EPB41L1: variants seen among roughly 807,000 people sequenced by gnomAD.
EPB41L1 encodes the protein band 4.1-like protein 1.
Under a neutral mutation model 97.8 loss-of-function variants are expected in EPB41L1, and 29 were observed. The ratio of observed to expected loss-of-function variants is 0.30; its 90% confidence interval spans 0.22 to 0.40. The LOEUF is 0.40. Ranked by LOEUF, EPB41L1 falls within the 10% of genes least tolerant of loss-of-function variation. The pLI is 1.00. For missense variants in EPB41L1, 812 were observed against 1,162.3 expected, an observed-to-expected ratio of 0.70 and a Z score of 4.38; for synonymous variants, 383 against 459.2, an observed-to-expected ratio of 0.83 and a Z score of 2.12.
chr20:36,225,258 A>G (rs1396535929), intron 21 of EPB41L1, among the ~76,000 whole-genome samples: 4 of 152,242 alleles, frequency 2.6e-5, no homozygotes, highest in Non-Finnish European at 5.9e-5. Context: ...AGTGATTGTC[A>G]TTCCTATCCC....
At chr20:36,143,862 C>CT (rs370144561) in intron 2 of EPB41L1, among the ~76,000 whole-genome samples, 12 of 148,192 alleles carry the variant, frequency 8.1e-5, no homozygotes, top group Admixed American at 4.0e-4. Flanking sequence ...TTTCTTTTTT[C>CT]TTTTTTTTGA....
chr20:36,181,932 C>T (rs1311710854), intron 5 of EPB41L1, among the ~76,000 whole-genome samples: 1 of 152,124 alleles, frequency 6.6e-6, no homozygotes. Flanking sequence ...TCAGTGTCTT[C>T]ATCTATAAAA....
At chr20:36,161,768 T>C (rs1361602930) in intron 1 of EPB41L1, among the ~76,000 whole-genome samples, 1 of 148,712 alleles carries the variant, frequency 6.7e-6, no homozygotes, top group Non-Finnish European at 1.5e-5. Context: ...GTCGTTATTC[T>C]TGTTTTTTTA....
intron 2 of EPB41L1, among the ~76,000 whole-genome samples, chr20:36,115,558 AG>A (rs1358594725): frequency 1.8e-4 from 28 of 152,234 alleles, no homozygotes; most frequent in African/African-American, 6.8e-4. Flanking sequence ...ACATTGTGCC[AG>A]GCTCCATGCT....
intron 1 of EPB41L1, among the ~76,000 whole-genome samples, chr20:36,163,973 A>T (rs1352726163): frequency 6.6e-6 from 1 of 152,082 alleles, no homozygotes; most frequent in African/African-American, 2.4e-5. Flanking sequence ...CCTCCCTAGT[A>T]GCTGGGACTA....
intron 5 of EPB41L1, among the ~76,000 whole-genome samples, chr20:36,179,536 G>T (rs1306677872): frequency 6.6e-6 from 1 of 152,266 alleles, no homozygotes; most frequent in African/African-American, 2.4e-5. Flanking sequence ...GGCCCAGAGA[G>T]AGAAAGCATG....
rs1451565485 is a variant in EPB41L1, at chr20:36,206,218, A to G, written c.1669-3270A>G. On this transcript the variant is annotated intron_variant, in intron 14 of 21. Coordinates refer to ENST00000338074, the MANE Select transcript of EPB41L1 (RefSeq NM_012156.2). The surrounding 1 kb of genome is among the most constrained non-coding windows in gnomAD (Gnocchi z 5.5). ...GGGCTCTGAGCTCAGGGCAGACACC[A>G]GAGAGGCAACCATCAGGAACCGCTG... 7.8e-7 allele frequency: 1 copy of G among 1,289,794 alleles called. No individual in the cohort carries two copies. Among genetic ancestry groups the G allele is most frequent in the African/African-American group, 1.5e-5 (1 of 65,880 alleles). The allele number at this position is 1,289,794 out of a possible 1,614,324, so 79.9% of individuals were successfully genotyped here.
At position 36,093,690 on chromosome 20, in the gene EPB41L1, T is replaced by TGC. The variant is rs1299854237; in HGVS notation, c.-65+2079_-65+2080insCG. ...AAGCCCGTGTGCGTGCGTGCGTGCG[T>TGC]GTGTGTGTGTGTGTATGTGTATGCG... On this transcript the variant is annotated intron_variant, in intron 1 of 19. Coordinates refer to the EPB41L1 transcript ENST00000202028. This position sits in a 1 kb window ranked among gnomAD's most constrained non-coding sequence, Gnocchi z 5.4. 3.1e-5 allele frequency among the ~76,000 whole-genome samples: 4 copies of TGC among 128,570 alleles called. No homozygotes were observed. Among genetic ancestry groups the TGC allele is most frequent in the African/African-American group, 8.0e-5 (2 of 24,912 alleles). The allele number at this position is 128,570 out of a possible 152,430, so 84.3% of individuals were successfully genotyped here. A position where few individuals can be genotyped will look rare whatever the true frequency, so the allele number is the denominator to read the frequency against.
intron 1 of EPB41L1, chr20:36,112,391 TG>T (rs1350454955): frequency 1.3e-5 from 2 of 152,270 alleles, no homozygotes; most frequent in East Asian, 3.8e-4. Context: ...CATGAACTCC[TG>T]TTCTGAGGAG....
chr20:36,103,017 GA>G (rs1938854539), intron 1 of EPB41L1, among the ~76,000 whole-genome samples: 2 of 152,098 alleles, frequency 1.3e-5, no homozygotes, highest in Admixed American at 1.3e-4. Flanking sequence ...AATCACTGTT[GA>G]AATCCTGTCT....
At chr20:36,146,813 A>G (rs878915540) in intron 2 of EPB41L1, among the ~76,000 whole-genome samples, 3 of 151,968 alleles carry the variant, frequency 2.0e-5, no homozygotes, top group Non-Finnish European at 2.9e-5. Context: ...GGTCTTCATA[A>G]CAGTCCCTGT....
At chr20:36,192,531 CAAAAAAAA>C (rs57675036) in intron 11 of EPB41L1, among the ~76,000 whole-genome samples, 3 of 46,422 alleles carry the variant, frequency 6.5e-5, no homozygotes, top group Admixed American at 2.2e-4. Flanking sequence ...GACTCCGTCT[CAAAAAAAA>C]AAAAAAAAAA....
chr20:36,171,840 G>A (rs1303577135), intron 1 of EPB41L1, among the ~76,000 whole-genome samples: 1 of 152,176 alleles, frequency 6.6e-6, no homozygotes, highest in Non-Finnish European at 1.5e-5. Flanking sequence ...GAGAGGGCGT[G>A]CCATGCCAGT....
chr20:36,156,469 G>A (rs2060306326), intron 1 of EPB41L1, among the ~76,000 whole-genome samples: 1 of 152,224 alleles, frequency 6.6e-6, no homozygotes, highest in Admixed American at 6.5e-5. Context: ...GGCCTAGAGA[G>A]TAAGAGTGAC....
intron 2 of EPB41L1, among the ~76,000 whole-genome samples, chr20:36,132,356 C>T (rs1355412167): frequency 6.6e-6 from 1 of 152,206 alleles, no homozygotes; most frequent in East Asian, 1.9e-4. Context: ...TCCCTCCCAC[C>T]TCTGCCTCCG....
intron 2 of EPB41L1, among the ~76,000 whole-genome samples, chr20:36,145,358 T>C (rs963136363): frequency 7.0e-6 from 1 of 142,404 alleles, no homozygotes; most frequent in Non-Finnish European, 1.5e-5. Flanking sequence ...ATCACACCAC[T>C]GCACTCCAGC....
At chr20:36,193,840 A>G (rs1373213840) in intron 11 of EPB41L1, among the ~76,000 whole-genome samples, 1 of 152,222 alleles carries the variant, frequency 6.6e-6, no homozygotes, top group East Asian at 1.9e-4. Flanking sequence ...TCTTCCATAA[A>G]TATTTATATA....
At chr20:36,189,921 A>G (rs2061871715) in intron 9 of EPB41L1, among the ~76,000 whole-genome samples, 1 of 152,180 alleles carries the variant, frequency 6.6e-6, no homozygotes, top group South Asian at 2.1e-4. Flanking sequence ...AGAATGACTC[A>G]CGTCTGTAAT....
In EPB41L1 at chr20:36,229,427, A is replaced by C; in HGVS notation, c.*87A>C. On this transcript the variant is annotated 3_prime_UTR_variant, in exon 22 of 22. Transcript: ENST00000338074. ...GCCTTCATTCTGGATTCTCCGACGCAACACTGACGTCCCAGCTGCGACGTA... is the reference window on the plus strand; with the variant it reads ...GCCTTCATTCTGGATTCTCCGACGCCACACTGACGTCCCAGCTGCGACGTA... The C allele has an allele frequency of 7.5e-7, 1 of 1,342,200 alleles. No individual in the cohort carries two copies. Among genetic ancestry groups the C allele is most frequent in the Non-Finnish European group, 1.1e-6 (1 of 932,884 alleles). The allele number at this position is 1,342,200 out of a possible 1,614,324, so 83.1% of individuals were successfully genotyped here. A position where few individuals can be genotyped will look rare whatever the true frequency, so the allele number is the denominator to read the frequency against.
Sources: allele counts gnomAD v4.1 joint callset (sites outside exome capture counted in the v4.1 genomes callset), GRCh38; gene constraint gnomAD v4.1.1; non-coding constraint Gnocchi (gnomAD v3.1); transcripts MANE v1.5; gene names NCBI Gene and HGNC (gene_info 2026-07-23, HGNC 2026-07-21).